PRKCD: variants seen among roughly 807,000 people sequenced by gnomAD.
PRKCD encodes the protein protein kinase C delta.
A neutral mutation model predicts 82.2 loss-of-function variants in PRKCD; 20 were observed. The ratio of observed to expected loss-of-function variants is 0.24; its 90% CI spans 0.17 to 0.35. PRKCD has a LOEUF of 0.35. PRKCD is among the 10% of genes least tolerant of loss of function. The pLI is 1.00. For synonymous variants in PRKCD, 317 were observed against 337.0 expected, an observed-to-expected ratio of 0.94 and a Z score of 0.65; for missense variants, 607 against 899.0, an observed-to-expected ratio of 0.68 and a Z score of 4.15.
chr3:53,188,878 G>A lies in PRKCD; in HGVS notation c.1554+20G>A, dbSNP rs782039318. 8 of 1,613,228 alleles carry A rather than the reference G, an allele frequency of 5.0e-6. No homozygotes were observed. In the South Asian group the frequency reaches 8.8e-5, roughly 18 times the overall value. On this transcript the variant is annotated intron_variant, in intron 16 of 18. Transcript: ENST00000330452. ...CCTGAGGTGAGCCGATACCCTTCCA[G>A]CCCCCCGCTCAGTCAGGCACCTTGC...
rs1392756314 is a variant in PRKCD, at chr3:53,169,861, C to A, written c.-20+4646C>A. On this transcript the variant is annotated intron_variant, in intron 2 of 18. Transcript: ENST00000330452. This position sits in a 1 kb window ranked among gnomAD's most constrained non-coding sequence, Gnocchi z 4.7. ...AGGAAGTCTGGAAGACACCAGAGCACTTGGGCCAAGATCGCGGAGCACCCA... is the reference window on the plus strand; with the variant it reads ...AGGAAGTCTGGAAGACACCAGAGCAATTGGGCCAAGATCGCGGAGCACCCA... Among the ~76,000 whole-genome samples, 1 of 152,240 alleles carries A rather than the reference C, an allele frequency of 6.6e-6. No homozygotes were observed. Among genetic ancestry groups the A allele is most frequent in the Admixed American group, 6.5e-5 (1 of 15,288 alleles).
At chr3:53,167,968 C>A (rs540474340) in intron 2 of PRKCD, among the ~76,000 whole-genome samples, 1 of 152,250 alleles carries the variant, frequency 6.6e-6, no homozygotes, top group Admixed American at 6.5e-5. Context: ...CTCTTCTCCC[C>A]CTCACTCCCT....
intron 10 of PRKCD, 146 bp downstream of exon 10, chr3:53,185,120 G>A: frequency 1.4e-6 from 1 of 690,576 alleles, no homozygotes; most frequent in Non-Finnish European, 2.4e-6. Flanking sequence ...CAAGAATTTA[G>A]GCAGCAGAGG....
In PRKCD at chr3:53,192,389, T is replaced by C. The variant is rs1703958128; in HGVS notation, c.*123T>C. ...CCCGCCCCTGCCCCCAGAGCGTCCT[T>C]GGCTGCCGTCTGGCCGGGCTCTCAT... On this transcript the variant is annotated 3_prime_UTR_variant, in exon 19 of 19. Transcript: ENST00000330452. 1 of 1,222,308 alleles carries C rather than the reference T, an allele frequency of 8.2e-7. No individual in the cohort carries two copies. The highest frequency in any genetic ancestry group is 1.5e-5 in the African/African-American group (1 of 66,472). The allele number at this position is 1,222,308 out of a possible 1,614,324, so 75.7% of individuals were successfully genotyped here.
At chr3:53,181,627 CTGG>C in intron 6 of PRKCD, 21 bp downstream of exon 6, 1 of 1,614,144 alleles carries the variant, frequency 6.2e-7, no homozygotes, top group Non-Finnish European at 8.5e-7. Flanking sequence ...GCCATGCCCA[CTGG>C]TGGTGGTGCA....
rs374910538 is a variant in PRKCD, at chr3:53,172,814, G to A, written c.-19-5590G>A. On this transcript the variant is annotated intron_variant, in intron 2 of 18. Transcript: ENST00000330452. Reference sequence around the variant, plus strand: ...TCCCTCTGCTCTCACACACCTCCCCGCCAGCAGCCTGATCAAGCCTCTTTC... The same window carrying A: ...TCCCTCTGCTCTCACACACCTCCCCACCAGCAGCCTGATCAAGCCTCTTTC... 4.7e-4 allele frequency among the ~76,000 whole-genome samples: 71 copies of A among 152,190 alleles called. 1 individual carries two copies. In the South Asian group the frequency reaches 0.013, roughly 28 times the overall value.
In PRKCD at chr3:53,186,258, G is replaced by A; in HGVS notation, c.1178G>A (p.Cys393Tyr). 1 of 1,614,166 alleles carries A rather than the reference G, an allele frequency of 6.2e-7. No individual in the cohort carries two copies. The highest frequency in any genetic ancestry group is 8.5e-7 in the Non-Finnish European group (1 of 1,180,016). Residue 393 changes from cysteine to tyrosine, a missense_variant, in exon 13 of 19, where the codon TGC becomes TAC. By Grantham distance (194) the Cys-to-Tyr change is radical. This residue lies in a region of PRKCD where 251 missense variants were observed against 423.9 expected (regional missense o/e 0.59). Transcript: ENST00000330452. ...GTCCTGATCGACGACGACGTGGAGT[G>A]CACCATGGTTGAGAAGCGGGTGCTG... is the stretch of plus-strand genomic sequence containing the variant. Reference protein sequence around the residue: ...DVVLIDDDVECTMVEKRVLTL... With the variant: ...DVVLIDDDVEYTMVEKRVLTL...
intron 11 of PRKCD, 36 bp from the exon 12 acceptor site, chr3:53,185,891 A>T (rs1278078951): frequency 1.9e-6 from 3 of 1,608,794 alleles, no homozygotes; most frequent in Non-Finnish European, 2.6e-6. Flanking sequence ...GTGTAGACTG[A>T]GACCCCGATC....
At chr3:53,188,922 G>C in intron 16 of PRKCD, 64 bp downstream of exon 16, 1 of 1,601,270 alleles carries the variant, frequency 6.2e-7, no homozygotes, top group Non-Finnish European at 8.5e-7. Flanking sequence ...GGTGGGCCAG[G>C]GAAGGATTCC....
intron 7 of PRKCD, chr3:53,182,059 T>G: frequency 2.1e-6 from 1 of 481,274 alleles, no homozygotes. Context: ...ATAGGTCCTT[T>G]ACTGGCACAT....
chr3:53,180,294 G>A (rs1553667123), intron 4 of PRKCD, among the ~76,000 whole-genome samples: 1 of 152,220 alleles, frequency 6.6e-6, no homozygotes, highest in African/African-American at 2.4e-5. Flanking sequence ...TGGAATCTTC[G>A]CATATATTCT....
At position 53,179,832 on chromosome 3, in the gene PRKCD, G is replaced by A. The variant is rs988636958; in HGVS notation, c.315+56G>A. ...TGTGTGTGTGTGTCTGTGTGTGTGT[G>A]CATGCGTGCATGTGTGTGCGTGCAC... On this transcript the variant is annotated intron_variant, in intron 4 of 18. Transcript: ENST00000330452. 9.1e-6 allele frequency: 14 copies of A among 1,540,394 alleles called. No homozygotes were observed. In the African/African-American group the frequency reaches 1.5e-4, roughly 17 times the overall value.
At chr3:53,178,675 G>A (rs943568201) in intron 3 of PRKCD, 138 bp downstream of exon 3, 3 of 710,474 alleles carry the variant, frequency 4.2e-6, no homozygotes, top group Non-Finnish European at 6.7e-6. Context: ...GCCCCACTCA[G>A]CTATGAAGGC....
At position 53,186,609 on chromosome 3, in the gene PRKCD, C is replaced by A. The variant is rs1168784889; in HGVS notation, c.1266C>A (p.His422Gln). ...HLICTFQTKDHLFFVMEFLNG... is the reference protein window; with the variant it reads ...HLICTFQTKDQLFFVMEFLNG... ...CACCACCCTTCCCACCCCAGGACCA[C>A]CTGTTCTTTGTGATGGAGTTCCTCA... is the stretch of plus-strand genomic sequence containing the variant. The change falls in exon 14 of 19, where the codon CAC (histidine) becomes CAA (glutamine). Residue 422 changes from histidine to glutamine, a missense_variant. His to Gln is a conservative substitution (Grantham distance 24, BLOSUM62 0). Transcript: ENST00000330452. 3.1e-6 allele frequency: 5 copies of A among 1,612,806 alleles called. No individual in the cohort carries two copies. The East Asian group carries it at 1.1e-4, about 36-fold the overall frequency.
At chr3:53,172,998 A>G (rs1703091031) in intron 2 of PRKCD, among the ~76,000 whole-genome samples, 1 of 152,130 alleles carries the variant, frequency 6.6e-6, no homozygotes, top group African/African-American at 2.4e-5. Flanking sequence ...TCCTCTGTAC[A>G]ATGAGGAGAT....
At chr3:53,184,836 G>C (rs1209448900) in intron 9 of PRKCD, 38 bp from the exon 10 acceptor site, 1 of 1,591,764 alleles carries the variant, frequency 6.3e-7, no homozygotes, top group Non-Finnish European at 8.6e-7. Flanking sequence ...CCTTGGCTGA[G>C]CTCTGAGACT....
At position 53,192,483 on chromosome 3, in the gene PRKCD, G is replaced by A. The variant is rs1477149514; in HGVS notation, c.*217G>A. ...CCTTCGGAGGGAAATTGTAAATCCTGTGTTTCATTACTTGAATGTAGTTAT... is the reference window on the plus strand; with the variant it reads ...CCTTCGGAGGGAAATTGTAAATCCTATGTTTCATTACTTGAATGTAGTTAT... On this transcript the variant is annotated 3_prime_UTR_variant, in exon 19 of 19. Transcript: ENST00000330452. 1.7e-5 allele frequency: 8 copies of A among 466,574 alleles called. No homozygotes were observed. The highest frequency in any genetic ancestry group is 3.5e-5 in the Admixed American group (1 of 28,670). The allele number at this position is 466,574 out of a possible 1,614,324, so 28.9% of individuals were successfully genotyped here. A position where few individuals can be genotyped will look rare whatever the true frequency, so the allele number is the denominator to read the frequency against.
intron 2 of PRKCD, among the ~76,000 whole-genome samples, chr3:53,177,853 C>T (rs1281234203): frequency 5.9e-5 from 9 of 152,140 alleles, no homozygotes; most frequent in Admixed American, 5.2e-4. Flanking sequence ...CTGGCTGTTG[C>T]CCAGTGGGCC....
In PRKCD at chr3:53,189,854, G is replaced by T; in HGVS notation, c.1744-19G>T. 1 of 1,614,016 alleles carries T rather than the reference G, an allele frequency of 6.2e-7. No homozygotes were observed. The highest frequency in any genetic ancestry group is 8.5e-7 in the Non-Finnish European group (1 of 1,179,950). On this transcript the variant is annotated intron_variant, in intron 17 of 18. Transcript: ENST00000330452. ...CCCATGGCCCTTGGGTGCTAACCAGGGTCCCTGCTGGGTTGCAGCTCTTTG... is the reference window on the plus strand; with the variant it reads ...CCCATGGCCCTTGGGTGCTAACCAGTGTCCCTGCTGGGTTGCAGCTCTTTG...
Sources: allele counts gnomAD v4.1 joint callset (sites outside exome capture counted in the v4.1 genomes callset), GRCh38; gene constraint gnomAD v4.1.1; regional missense constraint gnomAD v4.1.1; non-coding constraint Gnocchi (gnomAD v3.1); transcripts MANE v1.5; gene names NCBI Gene and HGNC (gene_info 2026-07-23, HGNC 2026-07-21).